EGFLAM: variants seen among roughly 807,000 people sequenced by gnomAD.
The protein encoded by EGFLAM is EGF like, fibronectin type III and laminin G domains, also known as pikachurin.
A neutral mutation model predicts 113.1 loss-of-function variants in EGFLAM; 79 were observed. The observed-to-expected ratio is 0.70, with a 90% CI of 0.58 to 0.84. The LOEUF (loss-of-function observed/expected upper bound fraction) is 0.84, where lower values mean the gene tolerates loss of function less well. EGFLAM is among the 40% of genes least tolerant of loss of function. The probability of loss-of-function intolerance (pLI) is 0.00; values close to 1 mark genes in which losing one functional copy is unlikely to be tolerated. For synonymous variants in EGFLAM, 504 were observed against 487.6 expected, an observed-to-expected ratio of 1.03 and a Z score of -0.44; for missense variants, 1,265 against 1,291.6, an observed-to-expected ratio of 0.98 and a Z score of 0.32.
At chr5:38,309,354 C>T (rs1439375725) in intron 1 of EGFLAM, among the ~76,000 whole-genome samples, 1 of 152,186 alleles carries the variant, frequency 6.6e-6, no homozygotes, top group African/African-American at 2.4e-5. Context: ...ACCAGCACAC[C>T]ACTGAGTATA....
At chr5:38,359,120 T>C (rs1009191771) in intron 5 of EGFLAM, among the ~76,000 whole-genome samples, 6 of 152,286 alleles carry the variant, frequency 3.9e-5, no homozygotes, top group Admixed American at 6.5e-5. Context: ...AGTGCCTTTC[T>C]CATAAGCAAA....
intron 20 of EGFLAM, chr5:38,461,380 G>C (rs551886802): frequency 6.6e-6 from 1 of 152,272 alleles, no homozygotes; most frequent in South Asian, 2.1e-4. Flanking sequence ...GCTAGAAGGT[G>C]ATGCCACATT....
At chr5:38,422,163 T>C (rs1484056871) in intron 12 of EGFLAM, among the ~76,000 whole-genome samples, 1 of 152,104 alleles carries the variant, frequency 6.6e-6, no homozygotes, top group East Asian at 1.9e-4. Context: ...TTCTTTCCCC[T>C]CCTTAGGAGT....
chr5:38,329,480 C>G (rs566800400), intron 1 of EGFLAM, among the ~76,000 whole-genome samples: 1 of 152,258 alleles, frequency 6.6e-6, no homozygotes, highest in African/African-American at 2.4e-5. Context: ...GGCAACCACA[C>G]CTCCAACTTC....
At chr5:38,441,609 C>T (rs1742536334) in intron 17 of EGFLAM, among the ~76,000 whole-genome samples, 1 of 151,982 alleles carries the variant, frequency 6.6e-6, no homozygotes, top group Non-Finnish European at 1.5e-5. Flanking sequence ...CACACACACA[C>T]ACACACACAC....
chr5:38,451,575 C>CTGAAGCTTCCAATAAGCCT, intron 19 of EGFLAM, 117 bp downstream of exon 19: 1 of 1,430,146 alleles, frequency 7.0e-7, no homozygotes, highest in Non-Finnish European at 9.4e-7. Flanking sequence ...TGGCTGAAGC[C>CTGAAGCTTCCAATAAGCCT]TGAAGCTTCA....
intron 19 of EGFLAM, among the ~76,000 whole-genome samples, chr5:38,456,314 G>A (rs974158365): frequency 6.6e-6 from 1 of 152,154 alleles, no homozygotes; most frequent in Admixed American, 6.6e-5. Context: ...GGGGATCAAG[G>A]CAGGTCCGTT....
intron 6 of EGFLAM, among the ~76,000 whole-genome samples, chr5:38,400,398 T>C (rs940825721): frequency 6.6e-6 from 1 of 152,184 alleles, no homozygotes; most frequent in African/African-American, 2.4e-5. Flanking sequence ...CTAATAAATG[T>C]CTCCTTTTTA....
At chr5:38,418,031 G>C in intron 11 of EGFLAM, 35 bp from the exon 12 acceptor site, 1 of 1,578,558 alleles carries the variant, frequency 6.3e-7, no homozygotes, top group Non-Finnish European at 8.6e-7. Context: ...ATTTTGTTTA[G>C]TGAGAGTATT....
chr5:38,434,348 T>C (rs934460196), intron 15 of EGFLAM, among the ~76,000 whole-genome samples: 1 of 152,200 alleles, frequency 6.6e-6, no homozygotes, highest in African/African-American at 2.4e-5. Flanking sequence ...TATCACCTGC[T>C]CTTTTACTTG....
intron 12 of EGFLAM, among the ~76,000 whole-genome samples, chr5:38,422,800 T>G (rs570847031): frequency 1.1e-4 from 16 of 152,296 alleles, no homozygotes; most frequent in Middle Eastern, 3.4e-3. Context: ...ACTAGAAGTA[T>G]CTTGCCTGTA....
chr5:38,336,090 C>A (rs548872561), intron 1 of EGFLAM, among the ~76,000 whole-genome samples: 1 of 151,908 alleles, frequency 6.6e-6, no homozygotes, highest in Non-Finnish European at 1.5e-5. Context: ...CTAGCAATAG[C>A]GGGATGACAA....
chr5:38,353,069 T>A (rs1440296596), intron 5 of EGFLAM, among the ~76,000 whole-genome samples: 2 of 152,264 alleles, frequency 1.3e-5, no homozygotes, highest in African/African-American at 4.8e-5. Flanking sequence ...TTCACGTCCG[T>A]ATTGCCTTGG....
intron 6 of EGFLAM, among the ~76,000 whole-genome samples, chr5:38,375,928 T>C (rs1740353170): frequency 6.6e-6 from 1 of 152,214 alleles, no homozygotes; most frequent in Non-Finnish European, 1.5e-5. Context: ...ATAATAATGG[T>C]GCATCTACAT....
intron 5 of EGFLAM, among the ~76,000 whole-genome samples, chr5:38,353,867 C>T (rs753055445): frequency 6.6e-6 from 1 of 152,158 alleles, no homozygotes; most frequent in Non-Finnish European, 1.5e-5. Flanking sequence ...AGCCTAGCTC[C>T]CTAGGAAAGA....
intron 1 of EGFLAM, among the ~76,000 whole-genome samples, chr5:38,322,881 C>A (rs1738778162): frequency 6.6e-6 from 1 of 152,150 alleles, no homozygotes; most frequent in Non-Finnish European, 1.5e-5. Flanking sequence ...CTTCTTTAAT[C>A]CACAGGTAAC....
chr5:38,381,304 A>G (rs2589775), intron 6 of EGFLAM, among the ~76,000 whole-genome samples: 44,242 of 152,064 alleles, frequency 0.29, 7,126 homozygotes, highest in African/African-American at 0.44. Flanking sequence ...TGATGGGAGT[A>G]GGGCCACAGT....
At chr5:38,329,294 TA>T (rs1561280418) in intron 1 of EGFLAM, among the ~76,000 whole-genome samples, 2 of 926 alleles carry the variant, frequency 2.2e-3, no homozygotes, top group Non-Finnish European at 6.5e-3. Context: ...ATCTCAAAGA[TA>T]AATAAATAAA....
At chr5:38,380,392 G>A (rs1037468203) in intron 6 of EGFLAM, among the ~76,000 whole-genome samples, 4 of 152,212 alleles carry the variant, frequency 2.6e-5, no homozygotes, top group African/African-American at 9.7e-5. Flanking sequence ...GAGACCTGGA[G>A]AGCCTGCAAT....
Sources: gnomAD v4.1 joint callset for allele counts (sites outside exome capture counted in the v4.1 genomes callset) on GRCh38, gnomAD v4.1.1 for gene constraint, MANE v1.5 for transcripts, NCBI Gene and HGNC (gene_info 2026-07-23, HGNC 2026-07-21) for gene names.